Variants in PDK1 observed in about 807,000 individuals in gnomAD.
PDK1 encodes the protein pyruvate dehydrogenase kinase 1.
In PDK1, 39 loss-of-function variants were observed where a neutral mutation model predicts 54.2. That is an observed-to-expected ratio of 0.72 (90% CI 0.56 to 0.94). The LOEUF (loss-of-function observed/expected upper bound fraction) is 0.94, where lower values mean the gene tolerates loss of function less well. PDK1 is among the 40% of genes least tolerant of loss of function. The pLI is 0.00. For synonymous variants in PDK1, 221 were observed against 207.1 expected (o/e 1.07, Z -0.58); for missense variants, 552 against 566.0 (o/e 0.98, Z 0.25).
chr2:172,574,105 G>A (rs891479912), intron 8 of PDK1, among the ~76,000 whole-genome samples: 1 of 152,060 alleles, frequency 6.6e-6, no homozygotes, highest in Non-Finnish European at 1.5e-5. Flanking sequence ...GTTAAGTTTT[G>A]TACATGGTTT....
At chr2:172,659,194 C>G in the PDK1 span, among the ~76,000 whole-genome samples, 4 of 152,292 alleles carry the variant, frequency 2.6e-5, no homozygotes, top group East Asian at 7.7e-4. Flanking sequence ...TACTCTTTCT[C>G]TTTCTCAGAC....
In PDK1 at chr2:172,568,947, G is replaced by A. The variant is rs1050362702; in HGVS notation, c.846+130G>A. 10 of 638,158 alleles carry A rather than the reference G, an allele frequency of 1.6e-5. No homozygotes were observed. In the African/African-American group the frequency reaches 1.7e-4, roughly 11 times the overall value. 39.5% of individuals were successfully genotyped at this position (638,158 alleles called of 1,614,324 possible). A position where few individuals can be genotyped will look rare whatever the true frequency, so the allele number is the denominator to read the frequency against. ...TTTCACATCAGTATCATATCACATT[G>A]CTGGAGATCAGCTTTTTATCAACAC... is the stretch of plus-strand genomic sequence containing the variant. On this transcript the variant is annotated intron_variant, in intron 7 of 10. Coordinates refer to ENST00000282077, the MANE Select transcript of PDK1 (RefSeq NM_002610.5).
the PDK1 span, among the ~76,000 whole-genome samples, chr2:172,657,431 C>T: frequency 9.4e-4 from 142 of 150,806 alleles, 3 homozygotes; most frequent in African/African-American, 3.2e-3. Flanking sequence ...AGAAGTGTTT[C>T]GATACTGCTT....
chr2:172,622,306 T>C, the PDK1 span, among the ~76,000 whole-genome samples: 28 of 147,342 alleles, frequency 1.9e-4, no homozygotes, highest in Non-Finnish European at 3.9e-4. Flanking sequence ...GATATGTTTA[T>C]ATCTCATATA....
At chr2:172,559,320 C>G (rs755977132) in intron 2 of PDK1, among the ~76,000 whole-genome samples, 20 of 152,156 alleles carry the variant, frequency 1.3e-4, no homozygotes, top group Admixed American at 4.6e-4. Context: ...GGCTTGTGCC[C>G]TGAATCGTGG....
At chr2:172,711,983 G>T in the PDK1 span, among the ~76,000 whole-genome samples, 4 of 148,006 alleles carry the variant, frequency 2.7e-5, no homozygotes, top group African/African-American at 7.5e-5. Flanking sequence ...GTTGTTAAAA[G>T]ATGTTACATA....
At chr2:172,622,319 A>AGATATGTTTATATCTCATATATTG in the PDK1 span, among the ~76,000 whole-genome samples, 1 of 137,926 alleles carries the variant, frequency 7.3e-6, no homozygotes, top group Non-Finnish European at 1.5e-5. Flanking sequence ...CTCATATATT[A>AGATATGTTTATATCTCATATATTG]TGTGAGATAT....
the PDK1 span, among the ~76,000 whole-genome samples, chr2:172,637,214 C>T: frequency 5.9e-5 from 9 of 152,186 alleles, no homozygotes; most frequent in Admixed American, 2.6e-4. Context: ...TTAGTTCCCA[C>T]TTTGACCTGT....
intron 5 of PDK1, among the ~76,000 whole-genome samples, chr2:172,565,378 A>G (rs1426426838): frequency 6.6e-6 from 1 of 152,122 alleles, no homozygotes; most frequent in Non-Finnish European, 1.5e-5. Flanking sequence ...ATCTCAGCTC[A>G]CTGCAGCCTC....
chr2:172,721,534 C>T, the PDK1 span, among the ~76,000 whole-genome samples: 11,722 of 152,204 alleles, frequency 0.077, 1,078 homozygotes, highest in East Asian at 0.52. Context: ...GACGGGGTTT[C>T]ACCATGTTGG....
At chr2:172,670,562 C>A in the PDK1 span, among the ~76,000 whole-genome samples, 7 of 152,146 alleles carry the variant, frequency 4.6e-5, no homozygotes, top group Non-Finnish European at 1.0e-4. Context: ...AGACAAAGTA[C>A]AAATAGTGAA....
At chr2:172,567,382 A>G (rs1199025519) in intron 6 of PDK1, among the ~76,000 whole-genome samples, 1 of 152,206 alleles carries the variant, frequency 6.6e-6, no homozygotes, top group Non-Finnish European at 1.5e-5. Context: ...TTTGTCTCTG[A>G]TGGTTTTCTT....
chr2:172,624,434 G>A, the PDK1 span, among the ~76,000 whole-genome samples: 1 of 152,140 alleles, frequency 6.6e-6, no homozygotes, highest in African/African-American at 2.4e-5. Context: ...ATTGAGAACT[G>A]CGCATATGAG....
the PDK1 span, among the ~76,000 whole-genome samples, chr2:172,720,381 C>G: frequency 6.6e-6 from 1 of 152,142 alleles, no homozygotes; most frequent in Non-Finnish European, 1.5e-5. Context: ...TCCCAAAGTT[C>G]TGGGTTTACA....
the PDK1 span, among the ~76,000 whole-genome samples, chr2:172,636,508 T>G: frequency 6.6e-6 from 1 of 151,942 alleles, no homozygotes; most frequent in Non-Finnish European, 1.5e-5. Flanking sequence ...TCACCTGAGG[T>G]CAGGAGTTTG....
chr2:172,685,648 T>A, the PDK1 span, among the ~76,000 whole-genome samples: 1 of 152,216 alleles, frequency 6.6e-6, no homozygotes, highest in East Asian at 1.9e-4. Flanking sequence ...CTATAATTGA[T>A]CATTGCAAAT....
At chr2:172,699,824 A>G in the PDK1 span, among the ~76,000 whole-genome samples, 1 of 151,634 alleles carries the variant, frequency 6.6e-6, no homozygotes, top group South Asian at 2.1e-4. Context: ...TGGCAGGGTC[A>G]CAGGACAACA....
rs1324030504 is a variant in PDK1, at chr2:172,600,417, T to G, written c.*4448T>G. 6.6e-6 allele frequency: 1 copy of G among 152,206 alleles called. No individual in the cohort carries two copies. The highest frequency in any genetic ancestry group is 1.5e-5 in the Non-Finnish European group (1 of 68,040). The allele number at this position is 152,206 out of a possible 1,614,324, so 9.4% of individuals were successfully genotyped here. On this transcript the variant is annotated 3_prime_UTR_variant, in exon 11 of 11. Transcript: ENST00000282077. ...GTATTACAGCATAAACATATCTGGT[T>G]TAATATGAACTATTTCTTTTCATCT...
chr2:172,655,682 G>A, the PDK1 span, among the ~76,000 whole-genome samples: 10 of 152,210 alleles, frequency 6.6e-5, no homozygotes, highest in African/African-American at 1.9e-4. Flanking sequence ...AACCCCTTAC[G>A]GGATGGGGAG....
Sources: gnomAD v4.1 joint callset for allele counts (sites outside exome capture counted in the v4.1 genomes callset) on GRCh38, gnomAD v4.1.1 for gene constraint, MANE v1.5 for transcripts, NCBI Gene and HGNC (gene_info 2026-07-23, HGNC 2026-07-21) for gene names.